GCSAM: variants seen among roughly 807,000 people sequenced by gnomAD.
GCSAM encodes the protein germinal center associated signaling and motility, also known as germinal center-associated signaling and motility protein.
In GCSAM, 8 loss-of-function variants were observed where a neutral mutation model predicts 17.6. The observed-to-expected ratio is 0.46, with a 90% CI of 0.27 to 0.82. The LOEUF is 0.82. Ranked by LOEUF, GCSAM falls within the 40% of genes least tolerant of loss-of-function variation. The pLI is 0.15. For synonymous variants in GCSAM, 68 were observed against 69.0 expected (o/e 0.98, Z 0.07); for missense variants, 192 against 213.5 (o/e 0.90, Z 0.63).
chr3:112,132,379 A>G (rs73218049), intron 1 of GCSAM, among the ~76,000 whole-genome samples: 4,642 of 152,196 alleles, frequency 0.031, 102 homozygotes, highest in Middle Eastern at 0.044. Flanking sequence ...TTTATACCCT[A>G]GAGATTACCT....
rs549666700 is a variant in GCSAM, at chr3:112,126,984, T to C, written c.190+3A>G. The C allele has an allele frequency of 6.3e-7, 1 of 1,574,838 alleles. No individual in the cohort carries two copies. Among genetic ancestry groups the C allele is most frequent in the Non-Finnish European group, 8.7e-7 (1 of 1,149,312 alleles). ...TGAAAATACTAGGAAATCAATGACT[T>C]ACTTTCGTTTTGGGAATCTTGCCTC... is the stretch of plus-strand genomic sequence containing the variant. On this transcript the variant is annotated splice_donor_region_variant and intron_variant, in intron 4 of 5. Coordinates refer to ENST00000308910, the MANE Select transcript of GCSAM (RefSeq NM_152785.5).
In GCSAM at chr3:112,133,110, G is replaced by T; in HGVS notation, c.11C>A (p.Ser4Tyr). 1.2e-6 allele frequency: 2 copies of T among 1,613,834 alleles called. No homozygotes were observed. Among genetic ancestry groups the T allele is most frequent in the South Asian group, 1.1e-5 (1 of 91,080 alleles). The change falls in exon 1 of 6, where the codon TCT becomes TAT. Residue 4 changes from serine to tyrosine, a missense_variant. Transcript: ENST00000308910. ...GACTTACCTGTTTTCTCTCAGCAGAGAATTTCCCATCCTCTCAGTCCTCTC... is the reference window on the plus strand; with the variant it reads ...GACTTACCTGTTTTCTCTCAGCAGATAATTTCCCATCCTCTCAGTCCTCTC... MGN[S>Y]LLRENRRQQN...
At chr3:112,130,753 G>A in intron 1 of GCSAM, 1 of 539,518 alleles carries the variant, frequency 1.9e-6, no homozygotes, top group Non-Finnish European at 3.4e-6. Context: ...CCATGAACAA[G>A]TGATCCTAAA....
At chr3:112,133,061 C>T in intron 1 of GCSAM, 31 bp downstream of exon 1, 1 of 1,609,094 alleles carries the variant, frequency 6.2e-7, no homozygotes, top group Non-Finnish European at 8.5e-7. Context: ...GTCCCATCTC[C>T]TCTGCTCTCC....
intron 5 of GCSAM, among the ~76,000 whole-genome samples, 168 bp from the exon 6 acceptor site, chr3:112,123,940 G>A (rs1262887708): frequency 2.0e-5 from 3 of 152,072 alleles, no homozygotes; most frequent in African/African-American, 7.2e-5. Context: ...CAACCACTAG[G>A]CTAGCTGCAA....
intron 1 of GCSAM, chr3:112,132,627 C>T: frequency 1.0e-6 from 1 of 985,678 alleles, no homozygotes; most frequent in Non-Finnish European, 1.2e-6. Flanking sequence ...TCTAGATGAC[C>T]TCTGCTTACC....
rs2074232466 is a variant in GCSAM, at chr3:112,123,193, T to C, written c.*262A>G. ...TTTAGGGGAATCAGGGAGCCCCTCC[T>C]ACCACTATACTCTCCAAACCATGTA... On this transcript the variant is annotated 3_prime_UTR_variant, in exon 6 of 6. Transcript: ENST00000308910. 1 of 533,492 alleles carries C rather than the reference T, an allele frequency of 1.9e-6. No homozygotes were observed. Among genetic ancestry groups the C allele is most frequent in the East Asian group, 3.6e-5 (1 of 27,582 alleles). The allele number at this position is 533,492 out of a possible 1,614,324, so 33.0% of individuals were successfully genotyped here.
At chr3:112,125,525 T>C (rs373532840) in intron 4 of GCSAM, among the ~76,000 whole-genome samples, 39 of 152,350 alleles carry the variant, frequency 2.6e-4, no homozygotes, top group African/African-American at 9.4e-4. Flanking sequence ...TCCAGCTCTC[T>C]TTCCCTCCTT....
In GCSAM at chr3:112,123,775, GC is replaced by G. The variant is rs1559982184; in HGVS notation, c.220-4del. On this transcript the variant is annotated splice_region_variant and splice_polypyrimidine_tract_variant and intron_variant, in intron 5 of 5. Transcript: ENST00000308910. ...GAGTAGGTCTGGTCAACATTGTCCTGCTTGTCAAAGAAGAACCATCATCAAG... is the reference window on the plus strand; with the variant it reads ...GAGTAGGTCTGGTCAACATTGTCCTGTTGTCAAAGAAGAACCATCATCAAG... The G allele has an allele frequency of 6.2e-7, 1 of 1,603,636 alleles. No homozygotes were observed. Among genetic ancestry groups the G allele is most frequent in the Admixed American group, 1.7e-5 (1 of 59,108 alleles).
rs755437855 is a variant in GCSAM, at chr3:112,123,976, C to T, written c.220-204G>A. Among the ~76,000 whole-genome samples the T allele has an allele frequency of 7.6e-4, 115 of 151,942 alleles. 3 individuals carry two copies. Among genetic ancestry groups the T allele is most frequent in the Non-Finnish European group, 2.5e-4 (17 of 67,932 alleles). ...GAGTGCTTAAGGTCTAGAGCCTGCT[C>T]AGGTGCATCCTCTGCCCCTTGTTCC... is the stretch of plus-strand genomic sequence containing the variant. On this transcript the variant is annotated intron_variant, in intron 5 of 5. Coordinates refer to ENST00000308910, the MANE Select transcript of GCSAM (RefSeq NM_152785.5).
intron 2 of GCSAM, chr3:112,128,358 C>A: frequency 5.6e-6 from 3 of 539,800 alleles, no homozygotes; most frequent in South Asian, 5.3e-5. Context: ...ATGAAGAACA[C>A]GTAAGTGTTA....
chr3:112,129,533 G>A lies in GCSAM; in HGVS notation c.98+912C>T, dbSNP rs141360834. The A allele has an allele frequency of 4.6e-5, 7 of 152,232 alleles. No individual in the cohort carries two copies. In the East Asian group the frequency reaches 7.7e-4, roughly 17 times the overall value. The allele number at this position is 152,232 out of a possible 1,614,324, so 9.4% of individuals were successfully genotyped here. A position where few individuals can be genotyped will look rare whatever the true frequency, so the allele number is the denominator to read the frequency against. ...CTTAGGCTACGTGTCAGGAATTTGA[G>A]GTATCTGTCTCTTTCACAATGCCTT... On this transcript the variant is annotated intron_variant, in intron 2 of 5. Transcript: ENST00000308910.
At chr3:112,130,664 C>T (rs1323315997) in intron 1 of GCSAM, 151 bp from the exon 2 acceptor site, 1 of 695,250 alleles carries the variant, frequency 1.4e-6, no homozygotes. Flanking sequence ...ACTGTTTCCT[C>T]AAGCACATGT....
rs545142810 is a variant in GCSAM, at chr3:112,133,072, C to T, written c.29+20G>A. The T allele has an allele frequency of 6.2e-7, 1 of 1,612,152 alleles. No individual in the cohort carries two copies. The highest frequency in any genetic ancestry group is 1.3e-5 in the African/African-American group (1 of 75,026). On this transcript the variant is annotated intron_variant, in intron 1 of 5. Coordinates refer to ENST00000308910, the MANE Select transcript of GCSAM (RefSeq NM_152785.5). Reference sequence around the variant, plus strand: ...TCCTGTCCCATCTCCTCTGCTCTCCCACAGGGAGTCTAGACTTACCTGTTT... The same window carrying T: ...TCCTGTCCCATCTCCTCTGCTCTCCTACAGGGAGTCTAGACTTACCTGTTT...
intron 4 of GCSAM, among the ~76,000 whole-genome samples, chr3:112,125,600 TGCACCAG>T (rs1277092650): frequency 6.6e-6 from 1 of 152,208 alleles, no homozygotes; most frequent in East Asian, 1.9e-4. Context: ...TCAGTGCCTC[TGCACCAG>T]GCACTGGGGA....
intron 4 of GCSAM, among the ~76,000 whole-genome samples, 182 bp from the exon 5 acceptor site, chr3:112,125,436 A>G (rs1400858013): frequency 6.6e-6 from 1 of 152,230 alleles, no homozygotes; most frequent in Non-Finnish European, 1.5e-5. Context: ...AGTCACAGCT[A>G]GAGCTGTGCT....
chr3:112,126,877 T>C (rs1311159414), intron 4 of GCSAM, 110 bp downstream of exon 4: 3 of 789,882 alleles, frequency 3.8e-6, no homozygotes, highest in Non-Finnish European at 6.6e-6. Context: ...GCAAAATGTG[T>C]AGATATTGTA....
At position 112,123,367 on chromosome 3, in the gene GCSAM, G is replaced by A. The variant is rs2074235675; in HGVS notation, c.*88C>T. On this transcript the variant is annotated 3_prime_UTR_variant, in exon 6 of 6. Coordinates refer to ENST00000308910, the MANE Select transcript of GCSAM (RefSeq NM_152785.5). ...GTTGTTGTGGGAGATAAGCTGGAGG[G>A]ACTTTGTGTCCCATCCCTGCTTCAG... 1.3e-6 allele frequency: 2 copies of A among 1,548,048 alleles called. No homozygotes were observed. Among genetic ancestry groups the A allele is most frequent in the Admixed American group, 1.9e-5 (1 of 52,656 alleles).
Position 112,133,202 on chromosome 3 carries a change from T to G in GCSAM, c.-82A>C, listed in dbSNP as rs2074500829. On this transcript the variant is annotated 5_prime_UTR_variant, in exon 1 of 6. Coordinates refer to ENST00000308910, the MANE Select transcript of GCSAM (RefSeq NM_152785.5). ...GTGCTCTGACAGGGCAACTCCTGAC[T>G]TAAAGAAAGGGCTGTGTGGCTCTGG... The G allele has an allele frequency of 6.7e-7, 1 of 1,485,992 alleles. No homozygotes were observed. Among genetic ancestry groups the G allele is most frequent in the South Asian group, 1.1e-5 (1 of 87,908 alleles). 92.1% of individuals were successfully genotyped at this position (1,485,992 alleles called of 1,614,324 possible). A position where few individuals can be genotyped will look rare whatever the true frequency, so the allele number is the denominator to read the frequency against.
Sources: gnomAD v4.1 joint callset for allele counts (sites outside exome capture counted in the v4.1 genomes callset) on GRCh38, gnomAD v4.1.1 for gene constraint, MANE v1.5 for transcripts, NCBI Gene and HGNC (gene_info 2026-07-23, HGNC 2026-07-21) for gene names.